SLC8A2: variants seen among roughly 807,000 people sequenced by gnomAD.
The protein encoded by SLC8A2 is sodium/calcium exchanger 2.
Under a neutral mutation model 70.2 loss-of-function variants are expected in SLC8A2, and 14 were observed. That is an observed-to-expected ratio of 0.20 (90% CI 0.13 to 0.31). The LOEUF (loss-of-function observed/expected upper bound fraction) is 0.31. Ranked by LOEUF, SLC8A2 falls within the 10% of genes least tolerant of loss-of-function variation. The probability of loss-of-function intolerance (pLI) is 1.00; values close to 1 mark genes in which losing one functional copy is unlikely to be tolerated. For synonymous variants in SLC8A2, 575 were observed against 594.3 expected (o/e 0.97, Z 0.47); for missense variants, 779 against 1,320.1 (o/e 0.59, Z 6.35).
Position 47,447,703 on chromosome 19 carries a change from C to A in SLC8A2, c.1763+106G>T. The A allele has an allele frequency of 8.1e-7, 1 of 1,238,814 alleles. No individual in the cohort carries two copies. Among genetic ancestry groups the A allele is most frequent in the East Asian group, 2.8e-5 (1 of 35,392 alleles). 76.7% of individuals were successfully genotyped at this position (1,238,814 alleles called of 1,614,324 possible). On this transcript the variant is annotated intron_variant, in intron 4 of 9. Coordinates refer to ENST00000236877, the MANE Select transcript of SLC8A2 (RefSeq NM_015063.3). The surrounding 1 kb of genome is among the most constrained non-coding windows in gnomAD (Gnocchi z 5.1). ...CCCCTCCCGAGGCCCAACCAAGACC[C>A]GCCCACTATGTGGGCATGGCTCACC...
intron 9 of SLC8A2, among the ~76,000 whole-genome samples, chr19:47,431,638 C>T (rs1488717266): frequency 3.9e-5 from 5 of 128,876 alleles, no homozygotes; most frequent in Non-Finnish European, 7.9e-5. Context: ...GGTGACAGAG[C>T]GAGACTCTGT....
chr19:47,465,667 GCA>G lies in SLC8A2; in HGVS notation c.675+60_675+61del, dbSNP rs1967447822. 1 of 1,373,510 alleles carries G rather than the reference GCA, an allele frequency of 7.3e-7. No homozygotes were observed. Among genetic ancestry groups the G allele is most frequent in the African/African-American group, 1.4e-5 (1 of 69,148 alleles). The allele number at this position is 1,373,510 out of a possible 1,614,324, so 85.1% of individuals were successfully genotyped here. ...CAGCAATCAACACTCCAAGCCAAGAGCACCTCTCTGGATTTTGCAGACACACA... is the reference window on the plus strand; with the variant it reads ...CAGCAATCAACACTCCAAGCCAAGAGCCTCTCTGGATTTTGCAGACACACA... On this transcript the variant is annotated intron_variant, in intron 2 of 9. Coordinates refer to ENST00000236877, the MANE Select transcript of SLC8A2 (RefSeq NM_015063.3). The surrounding 1 kb of genome is among the most constrained non-coding windows in gnomAD (Gnocchi z 5.5).
rs554418926 is a variant in SLC8A2 at position 47,460,051 on chromosome 19, G to T, written c.676-2457C>A. 3.9e-5 allele frequency among the ~76,000 whole-genome samples: 6 copies of T among 152,144 alleles called. No homozygotes were observed. In the South Asian group the frequency reaches 1.2e-3, roughly 32 times the overall value. ...TCCATTTCTCCCCCATCACCTGGGG[G>T]TGCCTCCACTTCTCCAAACCTCGCC... On this transcript the variant is annotated intron_variant, in intron 2 of 9. Transcript: ENST00000236877.
At position 47,466,314 on chromosome 19, in the gene SLC8A2, A is replaced by G. The variant is rs1265891557; in HGVS notation, c.90T>C (p.Pro30=). 2 of 1,484,232 alleles carry G rather than the reference A, an allele frequency of 1.3e-6. No individual in the cohort carries two copies. The highest frequency in any genetic ancestry group is 1.3e-5 in the South Asian group (1 of 75,520). 91.9% of individuals were successfully genotyped at this position (1,484,232 alleles called of 1,614,324 possible). ...GAATPTPSLP[P]PPANDSDTST... ...TGGTGTCGCTGTCATTGGCCGGGGG[A>G]GGCGGCAGGGAGGGGGTTGGGGTGG... Residue 30 remains proline, a synonymous_variant, in exon 2 of 10, where the codon CCT becomes CCC. Coordinates refer to ENST00000236877, the MANE Select transcript of SLC8A2 (RefSeq NM_015063.3). This position sits in a 1 kb window ranked among gnomAD's most constrained non-coding sequence, Gnocchi z 6.9.
intron 2 of SLC8A2, among the ~76,000 whole-genome samples, chr19:47,461,456 C>T (rs952175441): frequency 6.6e-6 from 1 of 152,232 alleles, no homozygotes; most frequent in African/African-American, 2.4e-5. Context: ...TTGCAGTGAG[C>T]TGAGATTACA....
At position 47,437,485 on chromosome 19, in the gene SLC8A2, A is replaced by G; in HGVS notation, c.2087T>C (p.Leu696Ser). ...IGTHSWREQF[L>S]EAITVSAGDE... The stretch of plus-strand genomic sequence containing the variant: ...ACCTGCGCTCACCGTAATTGCCTCT[A>G]AAAACTGCTCCCTCCATGAATGGGT... The change falls in exon 8 of 10, where the codon TTA becomes TCA. Residue 696 changes from leucine (L) to serine (S), a missense_variant. Leu to Ser is a moderately radical substitution (Grantham distance 145). This residue lies in a region of SLC8A2 where 247 missense variants were observed against 362.8 expected (regional missense o/e 0.68). Transcript: ENST00000236877. 1 of 1,612,908 alleles carries G rather than the reference A, an allele frequency of 6.2e-7. No individual in the cohort carries two copies. Among genetic ancestry groups the G allele is most frequent in the Non-Finnish European group, 8.5e-7 (1 of 1,178,984 alleles).
At position 47,429,923 on chromosome 19, in the gene SLC8A2, G is replaced by T. The variant is rs1426265384; in HGVS notation, c.*166C>A. ...GAAGAGGGAAGGCTGAGCTACTGGG[G>T]ACACAGAACAGGGCAATCAAAGCCA... On this transcript the variant is annotated 3_prime_UTR_variant, in exon 10 of 10. Transcript: ENST00000236877. 1 of 570,978 alleles carries T rather than the reference G, an allele frequency of 1.8e-6. No individual in the cohort carries two copies. Among genetic ancestry groups the T allele is most frequent in the South Asian group, 2.1e-5 (1 of 48,250 alleles). 35.4% of individuals were successfully genotyped at this position (570,978 alleles called of 1,614,324 possible). A position where few individuals can be genotyped will look rare whatever the true frequency, so the allele number is the denominator to read the frequency against.
rs921128818 is a variant in SLC8A2, at chr19:47,430,730, C to CT, written c.2390-266dup. ...TTCTATGGGACTCACTGCGTGATTT[C>CT]TTTTTTTTTCCTCCGAGACGGAGTT... is the stretch of plus-strand genomic sequence containing the variant. On this transcript the variant is annotated intron_variant, in intron 9 of 9. Coordinates refer to ENST00000236877, the MANE Select transcript of SLC8A2 (RefSeq NM_015063.3). This position sits in a 1 kb window ranked among gnomAD's most constrained non-coding sequence, Gnocchi z 5.9. 5.3e-5 allele frequency among the ~76,000 whole-genome samples: 8 copies of CT among 151,930 alleles called. No homozygotes were observed. Among genetic ancestry groups the CT allele is most frequent in the African/African-American group, 1.4e-4 (6 of 41,474 alleles).
chr19:47,467,720 C>T (rs559607135), intron 1 of SLC8A2, among the ~76,000 whole-genome samples: 288 of 151,434 alleles, frequency 1.9e-3, no homozygotes, highest in Non-Finnish European at 3.3e-3. Flanking sequence ...TCGCTGGACA[C>T]GGTGGCTCAC....
chr19:47,463,775 T>A (rs1045714146), intron 2 of SLC8A2, among the ~76,000 whole-genome samples: 1 of 152,112 alleles, frequency 6.6e-6, no homozygotes, highest in Admixed American at 6.5e-5. Context: ...ATAGGGGAGT[T>A]TGTTAATGAA....
At chr19:47,455,119 T>TAGAGGAGAG (rs994829994) in intron 3 of SLC8A2, among the ~76,000 whole-genome samples, 1 of 144,606 alleles carries the variant, frequency 6.9e-6, no homozygotes, top group Non-Finnish European at 1.5e-5. Flanking sequence ...GAGGAGAGAG[T>TAGAGGAGAG]AGAGGAGAGA....
chr19:47,448,496 C>T lies in SLC8A2; in HGVS notation c.1341-265G>A, dbSNP rs1599851755. The stretch of plus-strand genomic sequence containing the variant: ...TGAAGAGCAGAAGGTGGGAATTAAA[C>T]AGGTAATGATAAGGTTGAGATCAGG... On this transcript the variant is annotated intron_variant, in intron 3 of 9. Transcript: ENST00000236877. The surrounding 1 kb of genome is among the most constrained non-coding windows in gnomAD (Gnocchi z 4.8). Among the ~76,000 whole-genome samples, 2 of 152,106 alleles carry T rather than the reference C, an allele frequency of 1.3e-5. No individual in the cohort carries two copies. The highest frequency in any genetic ancestry group is 2.9e-5 in the Non-Finnish European group (2 of 68,016).
intron 4 of SLC8A2, among the ~76,000 whole-genome samples, chr19:47,442,534 A>G (rs1967112142): frequency 6.6e-6 from 1 of 151,562 alleles, no homozygotes; most frequent in African/African-American, 2.4e-5. Flanking sequence ...TGCCTAGAAC[A>G]CTCTTCCCCC....
rs1967192684 is a variant in SLC8A2 at position 47,448,156 on chromosome 19, G to A, written c.1416C>T (p.Phe472=). The A allele has an allele frequency of 2.5e-6, 4 of 1,612,706 alleles. No homozygotes were observed. Among genetic ancestry groups the A allele is most frequent in the Non-Finnish European group, 3.4e-6 (4 of 1,179,492 alleles). ...GCACGAAGAAATGCTCGTCCTCCTCGAAGATGTCGTCGTCGATGATGCCGA... is the reference window on the plus strand; with the variant it reads ...GCACGAAGAAATGCTCGTCCTCCTCAAAGATGTCGTCGTCGATGATGCCGA... ...LRIGIIDDDI[F]EEDEHFFVRL... The change falls in exon 4 of 10, where the codon TTC becomes TTT. Residue 472 remains phenylalanine (F), a synonymous_variant. Coordinates refer to ENST00000236877, the MANE Select transcript of SLC8A2 (RefSeq NM_015063.3). This position sits in a 1 kb window ranked among gnomAD's most constrained non-coding sequence, Gnocchi z 4.8.
At position 47,457,827 on chromosome 19, in the gene SLC8A2, CTCTT is replaced by C. The variant is rs371577732; in HGVS notation, c.676-237_676-234del. On this transcript the variant is annotated intron_variant, in intron 2 of 9. Transcript: ENST00000236877. The stretch of plus-strand genomic sequence containing the variant: ...CTTCCTTTCTTCCTTCTTTCTCTCT[CTCTT>C]TCTTTCTTTCTTTTTTTTTTTATTT... Among the ~76,000 whole-genome samples the C allele has an allele frequency of 3.5e-3, 469 of 135,914 alleles. 1 individual carries two copies. The highest frequency in any genetic ancestry group is 0.011 in the African/African-American group (409 of 35,606). The allele number at this position is 135,914 out of a possible 152,430, so 89.2% of individuals were successfully genotyped here.
intron 6 of SLC8A2, among the ~76,000 whole-genome samples, chr19:47,438,363 T>G (rs555845537): frequency 1.3e-5 from 2 of 152,248 alleles, no homozygotes; most frequent in South Asian, 4.1e-4. Flanking sequence ...TGGCACACAA[T>G]AAATATTCAA....
At position 47,447,581 on chromosome 19, in the gene SLC8A2, C is replaced by T; in HGVS notation, c.1763+228G>A. The stretch of plus-strand genomic sequence containing the variant: ...GAGAACGATTCACTCAGGCCCCTCT[C>T]CTCCTGAGGGCCCAGCTGTTCAGTG... On this transcript the variant is annotated intron_variant, in intron 4 of 9. Transcript: ENST00000236877. This position sits in a 1 kb window ranked among gnomAD's most constrained non-coding sequence, Gnocchi z 5.1. 2 of 527,450 alleles carry T rather than the reference C, an allele frequency of 3.8e-6. No individual in the cohort carries two copies. The highest frequency in any genetic ancestry group is 6.6e-6 in the Non-Finnish European group (2 of 302,744). 32.7% of individuals were successfully genotyped at this position (527,450 alleles called of 1,614,324 possible).
chr19:47,460,609 A>C (rs1967382056), intron 2 of SLC8A2, among the ~76,000 whole-genome samples: 1 of 151,980 alleles, frequency 6.6e-6, no homozygotes, highest in Non-Finnish European at 1.5e-5. Flanking sequence ...AGGCAGGAGA[A>C]TTGCTTGAGC....
At position 47,448,918 on chromosome 19, in the gene SLC8A2, T is replaced by A. The variant is rs1307903808; in HGVS notation, c.1341-687A>T. On this transcript the variant is annotated intron_variant, in intron 3 of 9. Coordinates refer to ENST00000236877, the MANE Select transcript of SLC8A2 (RefSeq NM_015063.3). The surrounding 1 kb of genome is among the most constrained non-coding windows in gnomAD (Gnocchi z 4.8). ...CACCCGTTGTGTGCCTTGTGCCGAG[T>A]GGTGCTGGGGACACAGCAGTAACCA... is the stretch of plus-strand genomic sequence containing the variant. 6.6e-6 allele frequency among the ~76,000 whole-genome samples: 1 copy of A among 152,100 alleles called. No homozygotes were observed. Among genetic ancestry groups the A allele is most frequent in the African/African-American group, 2.4e-5 (1 of 41,404 alleles).
Sources: gnomAD v4.1 joint callset for allele counts (sites outside exome capture counted in the v4.1 genomes callset) on GRCh38, gnomAD v4.1.1 for gene constraint, gnomAD v4.1.1 regional missense constraint, Gnocchi (gnomAD v3.1) non-coding constraint, MANE v1.5 for transcripts, NCBI Gene and HGNC (gene_info 2026-07-23, HGNC 2026-07-21) for gene names.